TLN2: variants seen among roughly 807,000 people sequenced by gnomAD.
TLN2 encodes talin 2, also known as talin-2.
Under a neutral mutation model 294.7 loss-of-function variants are expected in TLN2, and 118 were observed. The observed-to-expected ratio is 0.40, with a 90% CI of 0.34 to 0.47. The LOEUF (loss-of-function observed/expected upper bound fraction) is 0.47. Ranked by LOEUF, TLN2 falls within the 20% of genes least tolerant of loss-of-function variation. The pLI, the probability that TLN2 is intolerant of heterozygous loss-of-function variation, is 0.84. For missense variants in TLN2, 3,083 were observed against 3,282.2 expected, an observed-to-expected ratio of 0.94 and a Z score of 1.48; for synonymous variants, 1,431 against 1,304.5, an observed-to-expected ratio of 1.10 and a Z score of -2.09.
At chr15:62,732,394 T>C (rs961306768) in intron 28 of TLN2, among the ~76,000 whole-genome samples, 2 of 151,994 alleles carry the variant, frequency 1.3e-5, no homozygotes, top group East Asian at 1.9e-4. Context: ...GCCTTAAAGA[T>C]GAGAGAAGGA....
chr15:62,549,686 T>C (rs905135599), intron 1 of TLN2, among the ~76,000 whole-genome samples: 4 of 152,322 alleles, frequency 2.6e-5, no homozygotes, highest in Admixed American at 6.5e-5. Flanking sequence ...TGTGGAAGTT[T>C]AGAGAAGAGT....
intron 14 of TLN2, among the ~76,000 whole-genome samples, chr15:62,696,468 A>G (rs2058344708): frequency 6.6e-6 from 1 of 152,186 alleles, no homozygotes; most frequent in African/African-American, 2.4e-5. Flanking sequence ...GCACTTTGGG[A>G]GGCTGAGGCG....
At chr15:62,799,433 A>G (rs1474927996) in intron 48 of TLN2, among the ~76,000 whole-genome samples, 1 of 152,210 alleles carries the variant, frequency 6.6e-6, no homozygotes, top group Non-Finnish European at 1.5e-5. Flanking sequence ...TAGACCTGGT[A>G]CTTTTCACTC....
At chr15:62,815,339 CTG>C (rs2067032050) in intron 52 of TLN2, among the ~76,000 whole-genome samples, 2 of 152,068 alleles carry the variant, frequency 1.3e-5, no homozygotes, top group East Asian at 1.9e-4. Flanking sequence ...TAAAACCAGA[CTG>C]TACCTGTAGA....
At chr15:62,757,046 G>A (rs1399237316) in intron 37 of TLN2, among the ~76,000 whole-genome samples, 2 of 152,210 alleles carry the variant, frequency 1.3e-5, no homozygotes, top group African/African-American at 2.4e-5. Context: ...TAATTAGGAA[G>A]TAATAAAGCT....
intron 3 of TLN2, among the ~76,000 whole-genome samples, chr15:62,626,363 G>A (rs959087826): frequency 6.6e-6 from 1 of 152,212 alleles, no homozygotes; most frequent in Admixed American, 6.5e-5. Flanking sequence ...TGGAATAATC[G>A]CATAAATAGT....
intron 22 of TLN2, among the ~76,000 whole-genome samples, chr15:62,713,897 C>CATATATATATATATATATAT (rs34783254): frequency 5.9e-5 from 7 of 119,142 alleles, no homozygotes; most frequent in Admixed American, 8.9e-5. Flanking sequence ...TTCTTTAAGC[C>CATATATATATATATATATAT]ATATATATAT....
At chr15:62,766,495 G>T in intron 41 of TLN2, 73 bp downstream of exon 41, 1 of 1,419,488 alleles carries the variant, frequency 7.0e-7, no homozygotes, top group Non-Finnish European at 9.8e-7. Context: ...TGACTTTACT[G>T]TTATCATTCC....
At chr15:62,480,594 A>C (rs1157203964) in intron 1 of TLN2, among the ~76,000 whole-genome samples, 1 of 152,210 alleles carries the variant, frequency 6.6e-6, no homozygotes, top group Non-Finnish European at 1.5e-5. Flanking sequence ...TGATATATTT[A>C]AAAATAAGAC....
intron 1 of TLN2, among the ~76,000 whole-genome samples, chr15:62,429,695 G>A (rs562635551): frequency 4.9e-4 from 74 of 152,308 alleles, no homozygotes; most frequent in African/African-American, 1.6e-3. Context: ...CAAGGTGCCT[G>A]GGGTGGTTTG....
intron 1 of TLN2, among the ~76,000 whole-genome samples, chr15:62,465,206 C>A (rs888277708): frequency 3.4e-5 from 5 of 145,568 alleles, no homozygotes; most frequent in African/African-American, 1.3e-4. Context: ...GTGCTGTTTC[C>A]TTTTAGCCTT....
At chr15:62,531,000 T>C (rs1332175855) in intron 1 of TLN2, among the ~76,000 whole-genome samples, 1 of 152,212 alleles carries the variant, frequency 6.6e-6, no homozygotes, top group African/African-American at 2.4e-5. Flanking sequence ...GAATAATTTT[T>C]CCTATATCAT....
chr15:62,442,929 C>A (rs1281789486), intron 1 of TLN2, among the ~76,000 whole-genome samples: 4 of 152,180 alleles, frequency 2.6e-5, no homozygotes, highest in Admixed American at 1.3e-4. Flanking sequence ...CCTAGTGGTC[C>A]TATCTTCCGT....
chr15:62,604,524 TAAAAAAAAAA>T (rs35955277), intron 2 of TLN2, among the ~76,000 whole-genome samples: 2 of 87,298 alleles, frequency 2.3e-5, no homozygotes, highest in Admixed American at 1.5e-4. Context: ...GACCTTGTCT[TAAAAAAAAAA>T]AAAAAAAAAA....
intron 1 of TLN2, among the ~76,000 whole-genome samples, chr15:62,552,018 T>TA (rs745836792): frequency 1.1e-4 from 16 of 152,238 alleles, no homozygotes; most frequent in Admixed American, 6.5e-5. Context: ...TTAGCCCAGT[T>TA]AATCTTGACA....
chr15:62,396,268 C>T (rs1196775579), intron 1 of TLN2, among the ~76,000 whole-genome samples: 1 of 152,114 alleles, frequency 6.6e-6, no homozygotes, highest in East Asian at 1.9e-4. Context: ...ATGTACGCTT[C>T]AGTTGGTTGA....
chr15:62,770,731 G>T (rs1567568382), intron 41 of TLN2, among the ~76,000 whole-genome samples: 2 of 147,518 alleles, frequency 1.4e-5, no homozygotes, highest in Admixed American at 1.3e-4. Flanking sequence ...CTTGGAATGG[G>T]TTTCTTAGCA....
chr15:62,768,429 G>A (rs1266680872), intron 41 of TLN2, among the ~76,000 whole-genome samples: 1 of 152,094 alleles, frequency 6.6e-6, no homozygotes, highest in African/African-American at 2.4e-5. Context: ...TCTCTTAGAT[G>A]GACACTTGTT....
At chr15:62,829,936 C>G (rs530367634) in intron 54 of TLN2, 1 of 152,312 alleles carries the variant, frequency 6.6e-6, no homozygotes, top group South Asian at 2.1e-4. Context: ...ATAAGGATCT[C>G]CAGTTCTAGC....
Sources: allele counts gnomAD v4.1 joint callset (sites outside exome capture counted in the v4.1 genomes callset), GRCh38; gene constraint gnomAD v4.1.1; transcripts MANE v1.5; gene names NCBI Gene and HGNC (gene_info 2026-07-23, HGNC 2026-07-21).